Variants in INPP5A observed in about 807,000 individuals in gnomAD.
INPP5A encodes the protein 43 kDa inositol polyphosphate 5-phophatase.
A neutral mutation model predicts 65.2 loss-of-function variants in INPP5A; 14 were observed. The ratio of observed to expected loss-of-function variants is 0.21; its 90% CI spans 0.14 to 0.34. The LOEUF (loss-of-function observed/expected upper bound fraction) is 0.34. Ranked by LOEUF, INPP5A falls within the 10% of genes least tolerant of loss-of-function variation. The pLI, the probability that INPP5A is intolerant of heterozygous loss-of-function variation, is 1.00. For missense variants in INPP5A, 431 were observed against 545.6 expected (o/e 0.79, Z 2.09); for synonymous variants, 207 against 208.3 (o/e 0.99, Z 0.05).
chr10:132,562,573 G>A (rs1269220250), intron 1 of INPP5A, among the ~76,000 whole-genome samples: 2 of 152,236 alleles, frequency 1.3e-5, no homozygotes, highest in Non-Finnish European at 2.9e-5. Context: ...GCTGCCGCCT[G>A]CGGCTCCCAG....
chr10:132,725,417 A>G (rs1359780040), intron 8 of INPP5A, among the ~76,000 whole-genome samples: 4 of 152,296 alleles, frequency 2.6e-5, no homozygotes, highest in African/African-American at 9.6e-5. Flanking sequence ...CTCCAACCCG[A>G]GGGTGGAGGT....
chr10:132,700,803 C>T (rs985230791), intron 6 of INPP5A, among the ~76,000 whole-genome samples: 5 of 152,242 alleles, frequency 3.3e-5, no homozygotes, highest in African/African-American at 1.2e-4. Context: ...AATGCAGTCT[C>T]AGATAATTAC....
chr10:132,573,950 G>A (rs59174343), intron 1 of INPP5A, among the ~76,000 whole-genome samples: 6 of 139,138 alleles, frequency 4.3e-5, no homozygotes, highest in South Asian at 2.4e-4. Context: ...GTTGAGGTGT[G>A]TGTGCCGTGT....
At chr10:132,626,241 A>C (rs2072182362) in intron 2 of INPP5A, among the ~76,000 whole-genome samples, 2 of 151,136 alleles carry the variant, frequency 1.3e-5, no homozygotes, top group South Asian at 2.1e-4. Flanking sequence ...TGCGCTCCCC[A>C]CTCTCCCCTT....
chr10:132,743,843 C>G (rs1332484646), intron 9 of INPP5A, among the ~76,000 whole-genome samples: 1 of 151,952 alleles, frequency 6.6e-6, no homozygotes, highest in Non-Finnish European at 1.5e-5. Flanking sequence ...CAAGGCCGGC[C>G]CCGGGGCTCA....
rs942169565 is a variant in INPP5A at position 132,628,470 on chromosome 10, G to C, written c.118-17398G>C. Among the ~76,000 whole-genome samples, 9 of 150,732 alleles carry C rather than the reference G, an allele frequency of 6.0e-5. 1 individual carries two copies. Among genetic ancestry groups the C allele is most frequent in the East Asian group, 2.0e-4 (1 of 5,114 alleles). On this transcript the variant is annotated intron_variant, in intron 2 of 15. Coordinates refer to ENST00000368594, the MANE Select transcript of INPP5A (RefSeq NM_005539.5). ...CCAGATGTGCTCTGGTGGCGGGGGGGGGGGGGGGCGTGGCGTGGGGGACAC... is the reference window on the plus strand; with the variant it reads ...CCAGATGTGCTCTGGTGGCGGGGGGCGGGGGGGGCGTGGCGTGGGGGACAC...
chr10:132,698,390 C>A lies in INPP5A; in HGVS notation c.474+471C>A, dbSNP rs1393688256. On this transcript the variant is annotated intron_variant, in intron 6 of 15. Coordinates refer to ENST00000368594, the MANE Select transcript of INPP5A (RefSeq NM_005539.5). This position sits in a 1 kb window ranked among gnomAD's most constrained non-coding sequence, Gnocchi z 5.5. ...CAGGCTGCGAGCAGCAGGGTCCCGG[C>A]AGTTATGCCTGCGTCACACGGAGAG... 6.6e-6 allele frequency among the ~76,000 whole-genome samples: 1 copy of A among 152,198 alleles called. No individual in the cohort carries two copies. The highest frequency in any genetic ancestry group is 6.5e-5 in the Admixed American group (1 of 15,290).
At chr10:132,732,194 T>TA (rs113091941) in intron 9 of INPP5A, among the ~76,000 whole-genome samples, 1 of 152,376 alleles carries the variant, frequency 6.6e-6, no homozygotes, top group African/African-American at 2.4e-5. Context: ...ACGTGGGTCT[T>TA]ACTGTTCTGC....
rs58431461 is a variant in INPP5A at position 132,574,713 on chromosome 10, CAG to C, written c.76-33199_76-33198del. Among the ~76,000 whole-genome samples, 390 of 137,930 alleles carry C rather than the reference CAG, an allele frequency of 2.8e-3. 2 individuals carry two copies. Among genetic ancestry groups the C allele is most frequent in the African/African-American group, 0.01 (373 of 36,420 alleles). The allele number at this position is 137,930 out of a possible 152,430, so 90.5% of individuals were successfully genotyped here. On this transcript the variant is annotated intron_variant, in intron 1 of 15. Coordinates refer to ENST00000368594, the MANE Select transcript of INPP5A (RefSeq NM_005539.5). ...GTCTCAGTATTTTTTTTTTTTGAGA[CAG>C]AGTCTCGCTCTGTTGCCCAGGCTGG...
rs998024150 is a variant in INPP5A at position 132,753,121 on chromosome 10, G to A, written c.903+3276G>A. Among the ~76,000 whole-genome samples the A allele has an allele frequency of 2.6e-5, 4 of 152,156 alleles. No homozygotes were observed. Among genetic ancestry groups the A allele is most frequent in the Non-Finnish European group, 5.9e-5 (4 of 68,026 alleles). ...TCTCTGTTTGGGGCCTGGGACGACG[G>A]CACCTTCGGGAACGCCCCATGGGTT... On this transcript the variant is annotated intron_variant, in intron 11 of 15. Transcript: ENST00000368594. The surrounding 1 kb of genome is among the most constrained non-coding windows in gnomAD (Gnocchi z 5.3).
At chr10:132,554,945 G>A (rs1286338183) in intron 1 of INPP5A, among the ~76,000 whole-genome samples, 2 of 141,608 alleles carry the variant, frequency 1.4e-5, no homozygotes, top group African/African-American at 5.3e-5. Flanking sequence ...GGGTGGCATG[G>A]GTAGCATGGT....
At chr10:132,568,541 G>T (rs2071299788) in intron 1 of INPP5A, among the ~76,000 whole-genome samples, 1 of 151,902 alleles carries the variant, frequency 6.6e-6, no homozygotes, top group Non-Finnish European at 1.5e-5. Context: ...CTGAGGTCAG[G>T]AGCTTGAGAC....
intron 4 of INPP5A, among the ~76,000 whole-genome samples, chr10:132,680,343 A>G (rs2073025998): frequency 2.0e-5 from 3 of 152,214 alleles, no homozygotes; most frequent in African/African-American, 7.2e-5. Context: ...CGATAAGTAC[A>G]CGAAAAAGCG....
chr10:132,746,082 G>A (rs1014159189), intron 9 of INPP5A, among the ~76,000 whole-genome samples: 3 of 152,154 alleles, frequency 2.0e-5, no homozygotes, highest in Non-Finnish European at 2.9e-5. Context: ...TGGCTTCTTC[G>A]GAGCCCTGAG....
At position 132,584,180 on chromosome 10, in the gene INPP5A, C is replaced by A. The variant is rs146055133; in HGVS notation, c.76-23735C>A. On this transcript the variant is annotated intron_variant, in intron 1 of 15. Transcript: ENST00000368594. Reference sequence around the variant, plus strand: ...GTAATGTTGTTTCTTTGCCTTGCCTCTGTGATGCCTTTGCCGGTTTTGGTG... The same window carrying A: ...GTAATGTTGTTTCTTTGCCTTGCCTATGTGATGCCTTTGCCGGTTTTGGTG... Among the ~76,000 whole-genome samples the A allele has an allele frequency of 2.5e-3, 374 of 152,368 alleles. 2 individuals carry two copies. Among genetic ancestry groups the A allele is most frequent in the African/African-American group, 8.3e-3 (346 of 41,586 alleles).
chr10:132,704,317 C>T lies in INPP5A; in HGVS notation c.475-3996C>T, dbSNP rs534282058. Among the ~76,000 whole-genome samples the T allele has an allele frequency of 3.3e-4, 50 of 152,352 alleles. No individual in the cohort carries two copies. The highest frequency in any genetic ancestry group is 6.6e-4 in the Non-Finnish European group (45 of 68,034). ...ATTTGTCACCAGTCACACGTCCAGC[C>T]TTCTCCCATGACAGCCCCCATGGGT... On this transcript the variant is annotated intron_variant, in intron 6 of 15. Transcript: ENST00000368594. The surrounding 1 kb of genome is among the most constrained non-coding windows in gnomAD (Gnocchi z 4.5).
Position 132,575,416 on chromosome 10 carries a change from G to T in INPP5A, c.76-32499G>T, listed in dbSNP as rs745953001. Reference sequence around the variant, plus strand: ...GGGTCAGGATGGGAGGGGAGTACAGGCTGAGGCACCAGGCACCACAGGGGC... The same window carrying T: ...GGGTCAGGATGGGAGGGGAGTACAGTCTGAGGCACCAGGCACCACAGGGGC... On this transcript the variant is annotated intron_variant, in intron 1 of 15. Coordinates refer to ENST00000368594, the MANE Select transcript of INPP5A (RefSeq NM_005539.5). This position sits in a 1 kb window ranked among gnomAD's most constrained non-coding sequence, Gnocchi z 5.4. 4.6e-5 allele frequency among the ~76,000 whole-genome samples: 7 copies of T among 152,148 alleles called. No individual in the cohort carries two copies. Among genetic ancestry groups the T allele is most frequent in the Non-Finnish European group, 1.0e-4 (7 of 68,022 alleles).
intron 11 of INPP5A, among the ~76,000 whole-genome samples, chr10:132,758,765 C>T (rs913784676): frequency 6.6e-6 from 1 of 152,210 alleles, no homozygotes. Context: ...TTAGACCGTC[C>T]TTTGTCTCCT....
chr10:132,634,312 C>T (rs1037970436), intron 2 of INPP5A, among the ~76,000 whole-genome samples: 3 of 149,726 alleles, frequency 2.0e-5, no homozygotes, highest in Non-Finnish European at 4.4e-5. Flanking sequence ...GGGTGTGCCC[C>T]GGAGAGGCGT....
Sources: allele counts gnomAD v4.1 joint callset (sites outside exome capture counted in the v4.1 genomes callset), GRCh38; gene constraint gnomAD v4.1.1; non-coding constraint Gnocchi (gnomAD v3.1); transcripts MANE v1.5; gene names NCBI Gene and HGNC (gene_info 2026-07-23, HGNC 2026-07-21).